Variants in GLIS3 observed in about 807,000 individuals in gnomAD.
GLIS3 encodes GLIS family zinc finger 3, also known as zinc finger protein GLIS3.
Under a neutral mutation model 78.6 loss-of-function variants are expected in GLIS3, and 53 were observed. That is an observed-to-expected ratio of 0.67 (90% CI 0.54 to 0.85). The LOEUF (loss-of-function observed/expected upper bound fraction) is 0.85, where lower values mean the gene tolerates loss of function less well. Ranked by LOEUF, GLIS3 falls within the 40% of genes least tolerant of loss-of-function variation. The pLI, the probability that GLIS3 is intolerant of heterozygous loss-of-function variation, is 0.00. For missense variants in GLIS3, 1,703 were observed against 1,231.1 expected (o/e 1.38, Z -5.74); for synonymous variants, 684 against 509.9 (o/e 1.34, Z -4.60).
intron 4 of GLIS3, among the ~76,000 whole-genome samples, chr9:4,025,874 A>C (rs1823293626): frequency 6.6e-6 from 1 of 152,196 alleles, no homozygotes; most frequent in Non-Finnish European, 1.5e-5. Context: ...GGAGTTTTAT[A>C]AATGAAATAG....
At chr9:3,972,986 T>A (rs1818499288) in intron 4 of GLIS3, among the ~76,000 whole-genome samples, 1 of 152,122 alleles carries the variant, frequency 6.6e-6, no homozygotes, top group African/African-American at 2.4e-5. Flanking sequence ...ACACCACCTG[T>A]AAGTCTATGG....
At chr9:4,108,842 A>C (rs1830979804) in intron 4 of GLIS3, among the ~76,000 whole-genome samples, 1 of 152,194 alleles carries the variant, frequency 6.6e-6, no homozygotes, top group African/African-American at 2.4e-5. Flanking sequence ...TGAATGCCTG[A>C]GTCCACTGAC....
At chr9:4,135,049 A>G (rs1833298237) in intron 2 of GLIS3, among the ~76,000 whole-genome samples, 1 of 152,226 alleles carries the variant, frequency 6.6e-6, no homozygotes, top group East Asian at 1.9e-4. Context: ...CTGGTGGGAA[A>G]GAAATACATT....
intron 4 of GLIS3, among the ~76,000 whole-genome samples, chr9:4,117,143 A>C (rs995406689): frequency 1.3e-5 from 2 of 152,146 alleles, no homozygotes; most frequent in Non-Finnish European, 2.9e-5. Context: ...TCTCTACAAA[A>C]TTACCTCTTA....
At chr9:4,256,685 G>A (rs1175198578) in intron 2 of GLIS3, among the ~76,000 whole-genome samples, 1 of 152,180 alleles carries the variant, frequency 6.6e-6, no homozygotes, top group African/African-American at 2.4e-5. Flanking sequence ...CTTTATTGTA[G>A]ACAAAAGTAG....
chr9:4,453,497 C>T, the GLIS3 span, among the ~76,000 whole-genome samples: 3 of 151,872 alleles, frequency 2.0e-5, no homozygotes, highest in African/African-American at 4.8e-5. Flanking sequence ...AAAAACAACC[C>T]CATCAAAAAG....
chr9:4,058,966 A>G (rs555823772), intron 4 of GLIS3, among the ~76,000 whole-genome samples: 49 of 151,568 alleles, frequency 3.2e-4, no homozygotes, highest in Admixed American at 1.3e-3. Flanking sequence ...TGGGCCACAG[A>G]GCAAGACTCC....
chr9:4,225,186 G>GT (rs1435168392), intron 2 of GLIS3, among the ~76,000 whole-genome samples: 1 of 152,010 alleles, frequency 6.6e-6, no homozygotes, highest in Non-Finnish European at 1.5e-5. Flanking sequence ...GATGAGACCA[G>GT]TTTTTTTCTT....
the GLIS3 span, among the ~76,000 whole-genome samples, chr9:4,394,379 C>T: frequency 6.6e-6 from 1 of 151,154 alleles, no homozygotes; most frequent in Non-Finnish European, 1.5e-5. Context: ...TCAAAGATTA[C>T]AGGAGTAATA....
At chr9:4,277,432 A>C (rs180876389) in intron 2 of GLIS3, among the ~76,000 whole-genome samples, 2 of 152,236 alleles carry the variant, frequency 1.3e-5, no homozygotes. Context: ...AAGTACATTA[A>C]GTTTTTGACT....
chr9:3,835,884 C>T (rs1017397054), intron 9 of GLIS3, among the ~76,000 whole-genome samples: 5 of 152,226 alleles, frequency 3.3e-5, no homozygotes, highest in African/African-American at 9.6e-5. Context: ...ATAAATCACA[C>T]TCCATGCCTT....
chr9:4,333,428 A>C (rs1817713276), intron 2 of GLIS3, among the ~76,000 whole-genome samples: 1 of 152,152 alleles, frequency 6.6e-6, no homozygotes, highest in Non-Finnish European at 1.5e-5. Flanking sequence ...TTAAAAATTG[A>C]CTTTAATTTG....
intron 2 of GLIS3, chr9:4,152,040 T>C (rs1834727096): frequency 8.3e-6 from 5 of 606,024 alleles, no homozygotes; most frequent in Non-Finnish European, 1.0e-5. Context: ...AACCAGAACC[T>C]CAAACCCTCC....
chr9:4,357,782 G>T, the GLIS3 span, among the ~76,000 whole-genome samples: 1 of 152,134 alleles, frequency 6.6e-6, no homozygotes, highest in Non-Finnish European at 1.5e-5. Context: ...CATGGTCAAA[G>T]AACTGAATAC....
the GLIS3 span, among the ~76,000 whole-genome samples, chr9:4,479,861 C>T: frequency 0.018 from 2,605 of 148,248 alleles, 72 homozygotes; most frequent in African/African-American, 0.063. Context: ...TGTCTCCCTT[C>T]CTTCTTCCCA....
At chr9:4,072,420 G>A (rs1468778763) in intron 4 of GLIS3, among the ~76,000 whole-genome samples, 1 of 152,180 alleles carries the variant, frequency 6.6e-6, no homozygotes, top group Non-Finnish European at 1.5e-5. Flanking sequence ...CAGTCTCATG[G>A]CAGGTCAACT....
At chr9:3,994,334 C>T (rs1820574241) in intron 4 of GLIS3, among the ~76,000 whole-genome samples, 1 of 152,166 alleles carries the variant, frequency 6.6e-6, no homozygotes, top group African/African-American at 2.4e-5. Context: ...GGCACAGCTG[C>T]CCTCTTTAGG....
At chr9:3,896,996 A>T (rs1391803309) in intron 7 of GLIS3, among the ~76,000 whole-genome samples, 2 of 152,362 alleles carry the variant, frequency 1.3e-5, no homozygotes, top group East Asian at 3.9e-4. Flanking sequence ...GCTGAACCTT[A>T]AAATATTTAA....
At chr9:4,371,854 T>C in the GLIS3 span, among the ~76,000 whole-genome samples, 1 of 152,204 alleles carries the variant, frequency 6.6e-6, no homozygotes, top group Non-Finnish European at 1.5e-5. Context: ...TAGAGGCCAC[T>C]TCTTAGTTCT....
Sources: gnomAD v4.1 joint callset for allele counts (sites outside exome capture counted in the v4.1 genomes callset) on GRCh38, gnomAD v4.1.1 for gene constraint, MANE v1.5 for transcripts, NCBI Gene and HGNC (gene_info 2026-07-23, HGNC 2026-07-21) for gene names.